The following PCDHA3 variants were observed in gnomAD, a reference collection of about 807,000 sequenced individuals.
The protein encoded by PCDHA3 is protocadherin alpha 3.
In PCDHA3, 41 loss-of-function variants were observed where a neutral mutation model predicts 62.2. That is an observed-to-expected ratio of 0.66 (90% CI 0.51 to 0.86). The LOEUF (loss-of-function observed/expected upper bound fraction) is 0.86. Ranked by LOEUF, PCDHA3 falls within the 40% of genes least tolerant of loss-of-function variation. The probability of loss-of-function intolerance (pLI) is 0.00; values close to 1 mark genes in which losing one functional copy is unlikely to be tolerated. For synonymous variants in PCDHA3, 640 were observed against 555.4 expected (o/e 1.15, Z -2.14); for missense variants, 1,304 against 1,241.2 (o/e 1.05, Z -0.76).
At chr5:140,852,778 A>T (rs2150522420) in intron 1 of PCDHA3, 1 of 980,232 alleles carries the variant, frequency 1.0e-6, no homozygotes, top group East Asian at 1.1e-4. Flanking sequence ...TTTGATGTGA[A>T]TAGAGGGATG....
chr5:140,900,354 C>T (rs376691648), intron 1 of PCDHA3, among the ~76,000 whole-genome samples: 68 of 151,986 alleles, frequency 4.5e-4, no homozygotes, highest in African/African-American at 1.2e-3. Context: ...CTTGGCTCAC[C>T]GCAACCTCTG....
Position 140,853,619 on chromosome 5 carries a change from G to C in PCDHA3, c.2394+50028G>C. 2.0e-6 allele frequency: 2 copies of C among 988,316 alleles called. 1 individual carries two copies. The allele number at this position is 988,316 out of a possible 1,614,324, so 61.2% of individuals were successfully genotyped here. A position where few individuals can be genotyped will look rare whatever the true frequency, so the allele number is the denominator to read the frequency against. ...AGAGCAAAGGGGGTGCTGTAAATAA[G>C]TATACAAGATCACAGACCTAAATTG... On this transcript the variant is annotated intron_variant, in intron 1 of 3. Transcript: ENST00000522353.
intron 1 of PCDHA3, among the ~76,000 whole-genome samples, chr5:140,918,678 A>G (rs2078806155): frequency 6.6e-6 from 1 of 152,098 alleles, no homozygotes; most frequent in South Asian, 2.1e-4. Context: ...AAGAGGTGAG[A>G]CCTTTCAAAC....
chr5:140,843,248 C>G, intron 1 of PCDHA3: 1 of 1,596,046 alleles, frequency 6.3e-7, no homozygotes, highest in Non-Finnish European at 8.6e-7. Context: ...AGCGGACTCT[C>G]CGCGCCACCG....
chr5:140,878,517 G>T (rs2153361711), intron 1 of PCDHA3, among the ~76,000 whole-genome samples: 1 of 152,246 alleles, frequency 6.6e-6, no homozygotes, highest in African/African-American at 2.4e-5. Context: ...AGTACAGTTG[G>T]TAACCAACTG....
intron 1 of PCDHA3, chr5:140,823,134 G>A: frequency 1.2e-6 from 2 of 1,614,020 alleles, no homozygotes; most frequent in Non-Finnish European, 1.7e-6. Context: ...ACGCTCCGGC[G>A]TTCGCGCAGC....
At chr5:140,849,834 G>C in intron 1 of PCDHA3, 1 of 1,598,606 alleles carries the variant, frequency 6.3e-7, no homozygotes, top group South Asian at 1.1e-5. Flanking sequence ...GGAGGTGGCC[G>C]ACGTGAACGA....
chr5:140,883,475 AACT>A, intron 1 of PCDHA3: 1 of 1,614,106 alleles, frequency 6.2e-7, no homozygotes. Context: ...CACCTACAAG[AACT>A]ACTACTCATT....
intron 1 of PCDHA3, among the ~76,000 whole-genome samples, chr5:140,914,956 T>C (rs2076915145): frequency 6.6e-6 from 1 of 150,718 alleles, no homozygotes; most frequent in African/African-American, 2.4e-5. Flanking sequence ...TTTTTTTTTT[T>C]TTTTTTCTGA....
chr5:140,815,441 A>G (rs2126664246), intron 1 of PCDHA3: 2 of 152,274 alleles, frequency 1.3e-5, no homozygotes, highest in East Asian at 3.9e-4. Flanking sequence ...CATCTTTACT[A>G]CAATCACAAA....
rs199746737 is a variant in PCDHA3 at position 140,822,067 on chromosome 5, A to T, written c.2394+18476A>T. 1.9e-4 allele frequency: 311 copies of T among 1,614,078 alleles called. No individual in the cohort carries two copies. Among genetic ancestry groups the T allele is most frequent in the Non-Finnish European group, 2.4e-4 (286 of 1,180,038 alleles). On this transcript the variant is annotated intron_variant, in intron 1 of 3. Transcript: ENST00000522353. ...CGACCGGGAGGAGCTGTGCCGGCGGAGGGCGGAGTGCAGCATCCACCTGGA... is the reference window on the plus strand; with the variant it reads ...CGACCGGGAGGAGCTGTGCCGGCGGTGGGCGGAGTGCAGCATCCACCTGGA...
At chr5:140,828,085 A>G in intron 1 of PCDHA3, 1 of 1,590,816 alleles carries the variant, frequency 6.3e-7, no homozygotes, top group East Asian at 2.2e-5. Context: ...AACCAGAGGT[A>G]TTTGACATGG....
At chr5:140,968,795 A>G in intron 1 of PCDHA3, 2 of 1,614,210 alleles carry the variant, frequency 1.2e-6, no homozygotes, top group Non-Finnish European at 1.7e-6. Context: ...TGTGGCCATT[A>G]CAGTAGCTGT....
In PCDHA3 at chr5:140,838,709, G is replaced by A. The variant is rs2150291711; in HGVS notation, c.2394+35118G>A. 7.4e-3 allele frequency among the ~76,000 whole-genome samples: 1,129 copies of A among 152,134 alleles called. 12 individuals carry two copies. The highest frequency in any genetic ancestry group is 0.014 in the Admixed American group (208 of 15,280). On this transcript the variant is annotated intron_variant, in intron 1 of 3. Transcript: ENST00000522353. ...CCAACATTTCGGGAGGCCGAGGCAG[G>A]AGGATTGCTTCAGTCTAGTAGTTTG...
At chr5:140,827,939 G>GA in intron 1 of PCDHA3, 7 of 1,144,254 alleles carry the variant, frequency 6.1e-6, no homozygotes, top group Non-Finnish European at 8.7e-6. Flanking sequence ...GTTATAGCTA[G>GA]CCAACATTCA....
chr5:140,840,869 C>T (rs1554137936), intron 1 of PCDHA3, among the ~76,000 whole-genome samples: 1 of 151,888 alleles, frequency 6.6e-6, no homozygotes, highest in Admixed American at 6.5e-5. Flanking sequence ...CTATGGAGGA[C>T]AGTTTACATT....
At chr5:140,943,826 GA>G (rs1186583699) in intron 1 of PCDHA3, among the ~76,000 whole-genome samples, 5 of 152,198 alleles carry the variant, frequency 3.3e-5, no homozygotes, top group African/African-American at 1.2e-4. Flanking sequence ...AAAATGAGTT[GA>G]TTGAAGTTGT....
At chr5:140,979,836 T>C (rs1463731318) in intron 2 of PCDHA3, among the ~76,000 whole-genome samples, 2 of 152,216 alleles carry the variant, frequency 1.3e-5, no homozygotes, top group Non-Finnish European at 2.9e-5. Flanking sequence ...GAAGAAATAA[T>C]CTTCAAACTT....
intron 1 of PCDHA3, among the ~76,000 whole-genome samples, chr5:140,895,468 CCT>C (rs2065019844): frequency 6.6e-6 from 1 of 152,130 alleles, no homozygotes; most frequent in Non-Finnish European, 1.5e-5. Flanking sequence ...ATTTCTTTAT[CCT>C]CTTCGGAGAA....
Sources: allele counts gnomAD v4.1 joint callset (sites outside exome capture counted in the v4.1 genomes callset), GRCh38; gene constraint gnomAD v4.1.1; transcripts MANE v1.5; gene names NCBI Gene and HGNC (gene_info 2026-07-23, HGNC 2026-07-21).